ERN1: variants seen among roughly 807,000 people sequenced by gnomAD.
ERN1 encodes the protein endoplasmic reticulum to nucleus signaling 1.
Under a neutral mutation model 113.1 loss-of-function variants are expected in ERN1, and 39 were observed. That is an observed-to-expected ratio of 0.34 (90% CI 0.27 to 0.45). The LOEUF (loss-of-function observed/expected upper bound fraction) is 0.45, where lower values mean the gene tolerates loss of function less well. ERN1 is among the 20% of genes least tolerant of loss of function. ERN1 has a pLI of 1.00. For synonymous variants in ERN1, 507 were observed against 515.9 expected (o/e 0.98, Z 0.23); for missense variants, 976 against 1,274.8 (o/e 0.77, Z 3.57).
At chr17:64,122,221 G>A (rs1914972927) in intron 1 of ERN1, among the ~76,000 whole-genome samples, 1 of 152,174 alleles carries the variant, frequency 6.6e-6, no homozygotes, top group East Asian at 1.9e-4. Context: ...GCCCTTGCTG[G>A]TTGCCTTTTC....
intron 4 of ERN1, among the ~76,000 whole-genome samples, chr17:64,077,689 A>C (rs1913637658): frequency 6.6e-6 from 1 of 151,710 alleles, no homozygotes; most frequent in African/African-American, 2.4e-5. Context: ...TCTGCTTATT[A>C]TAAATGGTGC....
rs1913127641 is a variant in ERN1 at position 64,063,775 on chromosome 17, T to G, written c.1087+211A>C. Among the ~76,000 whole-genome samples the G allele has an allele frequency of 6.6e-6, 1 of 152,170 alleles. No individual in the cohort carries two copies. The highest frequency in any genetic ancestry group is 2.1e-4 in the South Asian group (1 of 4,828). On this transcript the variant is annotated intron_variant, in intron 10 of 21. Coordinates refer to ENST00000433197, the MANE Select transcript of ERN1 (RefSeq NM_001433.5). The surrounding 1 kb of genome is among the most constrained non-coding windows in gnomAD (Gnocchi z 5.1). Reference sequence around the variant, plus strand: ...ATTTAGTACCTGAGTTTTGGAACATTAAACAGTTTTCAAAAACTGACTCAG... The same window carrying G: ...ATTTAGTACCTGAGTTTTGGAACATGAAACAGTTTTCAAAAACTGACTCAG...
chr17:64,089,154 C>G (rs1567876298), intron 2 of ERN1, among the ~76,000 whole-genome samples: 1 of 151,830 alleles, frequency 6.6e-6, no homozygotes, highest in African/African-American at 2.4e-5. Context: ...CTTCTCTCTA[C>G]TAAAAATACA....
intron 19 of ERN1, among the ~76,000 whole-genome samples, chr17:64,045,932 A>G (rs1912500200): frequency 6.6e-6 from 1 of 152,226 alleles, no homozygotes; most frequent in South Asian, 2.1e-4. Flanking sequence ...TCCCTCCACC[A>G]GTAGAAAAGA....
intron 5 of ERN1, 93 bp downstream of exon 5, chr17:64,075,082 C>A: frequency 9.7e-7 from 1 of 1,027,668 alleles, no homozygotes; most frequent in Non-Finnish European, 1.5e-6. Flanking sequence ...GTTGGCAAGG[C>A]GGTGACTGCG....
In ERN1 at chr17:64,054,872, C is replaced by T. The variant is rs959143728; in HGVS notation, c.1673-44G>A. On this transcript the variant is annotated intron_variant, in intron 13 of 21. Transcript: ENST00000433197. The surrounding 1 kb of genome is among the most constrained non-coding windows in gnomAD (Gnocchi z 4.9). ...AAGAGATTGTTTCAAACAGATATCA[C>T]CTAAAGAACCTTGAGGTTAACATAG... is the stretch of plus-strand genomic sequence containing the variant. 1.4e-6 allele frequency: 2 copies of T among 1,418,576 alleles called. No homozygotes were observed. The highest frequency in any genetic ancestry group is 1.9e-5 in the Admixed American group (1 of 51,466). The allele number at this position is 1,418,576 out of a possible 1,614,324, so 87.9% of individuals were successfully genotyped here.
intron 4 of ERN1, among the ~76,000 whole-genome samples, chr17:64,076,813 G>T (rs1913607419): frequency 1.3e-5 from 2 of 152,122 alleles, no homozygotes; most frequent in African/African-American, 4.8e-5. Context: ...TGTTAGCCAG[G>T]ATGGTCTCGA....
chr17:64,117,094 C>T (rs187635428), intron 1 of ERN1, among the ~76,000 whole-genome samples: 7 of 148,660 alleles, frequency 4.7e-5, no homozygotes, highest in South Asian at 2.1e-4. Flanking sequence ...CCAGCCTCAA[C>T]GACAGAGTGA....
chr17:64,097,880 C>G (rs983296286), intron 2 of ERN1: 1 of 480,270 alleles, frequency 2.1e-6, no homozygotes, highest in African/African-American at 1.9e-5. Flanking sequence ...AACATGAAGT[C>G]TAAACAGAAG....
intron 1 of ERN1, among the ~76,000 whole-genome samples, chr17:64,125,931 C>T (rs978815609): frequency 1.3e-5 from 2 of 152,074 alleles, no homozygotes; most frequent in African/African-American, 4.8e-5. Context: ...TAGATAACAT[C>T]GTATTTTTAT....
At chr17:64,082,202 A>G (rs902380227) in intron 2 of ERN1, among the ~76,000 whole-genome samples, 1 of 152,222 alleles carries the variant, frequency 6.6e-6, no homozygotes, top group Admixed American at 6.5e-5. Context: ...AGAGGTGTAC[A>G]CACACCATAT....
intron 6 of ERN1, among the ~76,000 whole-genome samples, chr17:64,071,764 G>T (rs1021588769): frequency 6.6e-6 from 1 of 152,190 alleles, no homozygotes; most frequent in Non-Finnish European, 1.5e-5. Flanking sequence ...AAAGGTGGCA[G>T]CGGCGTCACA....
At chr17:64,102,917 A>C in intron 1 of ERN1, 1 of 985,318 alleles carries the variant, frequency 1.0e-6, no homozygotes. Flanking sequence ...AAAAAGTGGA[A>C]TATATACTCC....
rs543067064 is a variant in ERN1 at position 64,102,390 on chromosome 17, C to G, written c.55-4149G>C. On this transcript the variant is annotated intron_variant, in intron 1 of 21. Transcript: ENST00000433197. ...AAGCTGAATTTGGCAACTGAGAATTCTGTCAATCACAATGTCTACAGAAAT... is the reference window on the plus strand; with the variant it reads ...AAGCTGAATTTGGCAACTGAGAATTGTGTCAATCACAATGTCTACAGAAAT... Among the ~76,000 whole-genome samples the G allele has an allele frequency of 3.9e-5, 6 of 152,322 alleles. No individual in the cohort carries two copies. The South Asian group carries it at 1.0e-3, about 26-fold the overall frequency.
chr17:64,074,012 G>A (rs557271729), intron 5 of ERN1, among the ~76,000 whole-genome samples: 2 of 152,248 alleles, frequency 1.3e-5, no homozygotes, highest in South Asian at 2.1e-4. Context: ...CCACATGTGT[G>A]CAACTTACCC....
At chr17:64,078,661 T>G (rs196946) in intron 4 of ERN1, among the ~76,000 whole-genome samples, 146,077 of 152,226 alleles carry the variant, frequency 0.96, 70,402 homozygotes, top group East Asian at 1. Context: ...TAGGAGTCAA[T>G]ACTTTTATTC....
At chr17:64,074,226 A>G (rs1465758569) in intron 5 of ERN1, among the ~76,000 whole-genome samples, 1 of 152,182 alleles carries the variant, frequency 6.6e-6, no homozygotes, top group Non-Finnish European at 1.5e-5. Context: ...TGTTTAATGA[A>G]CTCGCCTAAG....
At chr17:64,091,840 C>G (rs1293788455) in intron 2 of ERN1, among the ~76,000 whole-genome samples, 2 of 152,132 alleles carry the variant, frequency 1.3e-5, no homozygotes, top group East Asian at 3.9e-4. Flanking sequence ...CCCTGTGGAG[C>G]AGCACTTCTC....
chr17:64,080,087 G>A (rs935677844), intron 3 of ERN1, among the ~76,000 whole-genome samples: 2 of 152,188 alleles, frequency 1.3e-5, no homozygotes, highest in African/African-American at 4.8e-5. Flanking sequence ...TACATCAATT[G>A]TATATAGAAC....
Sources: allele counts gnomAD v4.1 joint callset (sites outside exome capture counted in the v4.1 genomes callset), GRCh38; gene constraint gnomAD v4.1.1; non-coding constraint Gnocchi (gnomAD v3.1); transcripts MANE v1.5; gene names NCBI Gene and HGNC (gene_info 2026-07-23, HGNC 2026-07-21).